ENAH: variants seen among roughly 807,000 people sequenced by gnomAD.
ENAH encodes the protein protein enabled homolog.
Under a neutral mutation model 78.7 loss-of-function variants are expected in ENAH, and 23 were observed. The ratio of observed to expected loss-of-function variants is 0.29; its 90% CI spans 0.21 to 0.41. ENAH has a LOEUF of 0.41. Ranked by LOEUF, ENAH falls within the 10% of genes least tolerant of loss-of-function variation. The pLI is 1.00. For synonymous variants in ENAH, 226 were observed against 241.0 expected, an observed-to-expected ratio of 0.94 and a Z score of 0.58; for missense variants, 544 against 691.0, an observed-to-expected ratio of 0.79 and a Z score of 2.39.
At chr1:225,653,447 T>C (rs936899762), upstream of ENAH, among the ~76,000 whole-genome samples, 1 of 143,418 alleles carries the variant, frequency 7.0e-6, no homozygotes. This position sits in a 1 kb window ranked among gnomAD's most constrained non-coding sequence, Gnocchi z 4.3. Flanking sequence ...TCCGGCCAGT[T>C]GTCGGCCGGG....
chr1:225,555,977 C>T (rs953812709), intron 2 of ENAH, among the ~76,000 whole-genome samples: 1 of 152,098 alleles, frequency 6.6e-6, no homozygotes, highest in African/African-American at 2.4e-5. Flanking sequence ...AGTTATACAA[C>T]ATGTATTAAA....
At position 225,530,560 on chromosome 1, in the gene ENAH, T is replaced by A; in HGVS notation, c.428A>T (p.Gln143Leu). The change falls in exon 4 of 14, where the codon CAA (glutamine) becomes CTA (leucine). Residue 143 changes from glutamine to leucine, a missense_variant. Around this residue, in one of 4 missense-constraint regions of ENAH, gnomAD observed 366 missense variants for 396.1 expected, o/e 0.92. Coordinates refer to ENST00000366843, the MANE Select transcript of ENAH (RefSeq NM_018212.6). Reference sequence around the variant, plus strand: ...CAATAACTTGAAAATTTACCTTCTTTGAATTTCCAATTCTTCTTGGGATGG... The same window carrying A: ...CAATAACTTGAAAATTTACCTTCTTAGAATTTCCAATTCTTCTTGGGATGG... ...NGPSQEELEI[Q>L]RRQLQEQQRQ... 1 of 1,611,988 alleles carries A rather than the reference T, an allele frequency of 6.2e-7. No individual in the cohort carries two copies. The highest frequency in any genetic ancestry group is 8.5e-7 in the Non-Finnish European group (1 of 1,178,216).
At chr1:225,629,463 T>G (rs1658585660) in intron 1 of ENAH, among the ~76,000 whole-genome samples, 1 of 151,574 alleles carries the variant, frequency 6.6e-6, no homozygotes, top group African/African-American at 2.4e-5. Flanking sequence ...GGAGTGCACC[T>G]GTAATCCCAG....
At chr1:225,503,168 C>T (rs1262676722) in intron 11 of ENAH, among the ~76,000 whole-genome samples, 1 of 152,182 alleles carries the variant, frequency 6.6e-6, no homozygotes, top group Non-Finnish European at 1.5e-5. Context: ...ACTTTTCATA[C>T]TGAAGGAAAG....
rs148193854 is a variant in ENAH at position 225,597,129 on chromosome 1, G to A, written c.6-29715C>T. On this transcript the variant is annotated intron_variant, in intron 1 of 13. Coordinates refer to ENST00000366843, the MANE Select transcript of ENAH (RefSeq NM_018212.6). ...ACATGTAGGACGTATACCCAAAATA[G>A]CCTATTATTTATGTTTCCATTCCGC... Among the ~76,000 whole-genome samples the A allele has an allele frequency of 1.7e-3, 257 of 152,164 alleles. 1 individual carries two copies. The highest frequency in any genetic ancestry group is 5.8e-3 in the African/African-American group (240 of 41,512).
At chr1:225,577,329 T>C (rs765238966) in intron 1 of ENAH, among the ~76,000 whole-genome samples, 3 of 151,212 alleles carry the variant, frequency 2.0e-5, no homozygotes, top group Non-Finnish European at 2.9e-5. Context: ...GGAGAAAAAA[T>C]TTGCTTGCTA....
At chr1:225,579,556 G>C (rs2096804392) in intron 1 of ENAH, among the ~76,000 whole-genome samples, 1 of 152,106 alleles carries the variant, frequency 6.6e-6, no homozygotes, top group Admixed American at 6.5e-5. Context: ...AAATCTGTGG[G>C]AAACATTTTA....
chr1:225,598,739 A>G (rs1246490052), intron 1 of ENAH, among the ~76,000 whole-genome samples: 1 of 152,160 alleles, frequency 6.6e-6, no homozygotes. Flanking sequence ...TGGAATAGCA[A>G]TCTTAACACC....
At chr1:225,524,726 A>G in intron 4 of ENAH, 1 of 882,462 alleles carries the variant, frequency 1.1e-6, no homozygotes, top group Non-Finnish European at 1.4e-6. Flanking sequence ...CCCTTTTATA[A>G]CTTTCAGATA....
intron 1 of ENAH, among the ~76,000 whole-genome samples, chr1:225,601,695 C>A (rs2096932082): frequency 6.6e-6 from 1 of 151,758 alleles, no homozygotes; most frequent in Non-Finnish European, 1.5e-5. Flanking sequence ...ATGTGGTAGG[C>A]ACAAGGGCAT....
chr1:225,493,278 A>C lies in ENAH; in HGVS notation c.*4497T>G, dbSNP rs1771316. On this transcript the variant is annotated 3_prime_UTR_variant, in exon 14 of 14. Coordinates refer to ENST00000366843, the MANE Select transcript of ENAH (RefSeq NM_018212.6). The stretch of plus-strand genomic sequence containing the variant: ...AACAGTTCTTGGCTTCTATAAACGG[A>C]CTTTCTTGAGGGGTTACTGACTTCA... 0.94 allele frequency: 142,500 copies of C among 152,180 alleles called. 66,794 individuals carry two copies. Among genetic ancestry groups the C allele is most frequent in the Middle Eastern group, 0.97 (284 of 294 alleles). The allele number at this position is 152,180 out of a possible 1,614,324, so 9.4% of individuals were successfully genotyped here.
rs2096227481 is a variant in ENAH at position 225,492,593 on chromosome 1, C to T, written c.*5182G>A. 1 of 152,172 alleles carries T rather than the reference C, an allele frequency of 6.6e-6. No homozygotes were observed. The highest frequency in any genetic ancestry group is 6.5e-5 in the Admixed American group (1 of 15,278). 9.4% of individuals were successfully genotyped at this position (152,172 alleles called of 1,614,324 possible). ...GGGGTGCAGCTCAGTGACTGTGATT[C>T]TTTGGTTCAAACACTTAATTGGGGC... is the stretch of plus-strand genomic sequence containing the variant. On this transcript the variant is annotated 3_prime_UTR_variant, in exon 14 of 14. Coordinates refer to ENST00000366843, the MANE Select transcript of ENAH (RefSeq NM_018212.6).
chr1:225,523,151 T>C (rs1367138601), intron 4 of ENAH, among the ~76,000 whole-genome samples: 1 of 152,052 alleles, frequency 6.6e-6, no homozygotes, highest in African/African-American at 2.4e-5. Flanking sequence ...AACATGATAA[T>C]GTAAATACTG....
intron 1 of ENAH, among the ~76,000 whole-genome samples, chr1:225,588,978 T>C (rs1225589573): frequency 2.0e-5 from 3 of 152,006 alleles, no homozygotes; most frequent in South Asian, 2.1e-4. Flanking sequence ...CAAAGATTCA[T>C]CAGAAAACAA....
chr1:225,627,162 C>T (rs937858571), intron 1 of ENAH, among the ~76,000 whole-genome samples: 7 of 152,108 alleles, frequency 4.6e-5, no homozygotes, highest in African/African-American at 1.4e-4. Context: ...TAGCCCCCTG[C>T]GTTATTTTTA....
chr1:225,613,751 CAG>C (rs1426419217), intron 1 of ENAH, among the ~76,000 whole-genome samples: 2 of 152,132 alleles, frequency 1.3e-5, no homozygotes, highest in Admixed American at 6.5e-5. Context: ...GGGAAAAAAA[CAG>C]TGTTTTTTCT....
At chr1:225,539,020 A>T (rs554197609) in intron 3 of ENAH, among the ~76,000 whole-genome samples, 1 of 152,222 alleles carries the variant, frequency 6.6e-6, no homozygotes, top group African/African-American at 2.4e-5. Flanking sequence ...ATTATTGAGT[A>T]TATGCTCAGA....
intron 1 of ENAH, among the ~76,000 whole-genome samples, chr1:225,621,882 A>G (rs143487155): frequency 7.3e-4 from 111 of 152,250 alleles, no homozygotes; most frequent in African/African-American, 2.7e-3. Flanking sequence ...AGACAGAAGT[A>G]TTTGCCTTGG....
At chr1:225,516,898 A>G (rs1264158893) in intron 6 of ENAH, among the ~76,000 whole-genome samples, 1 of 151,970 alleles carries the variant, frequency 6.6e-6, no homozygotes, top group Non-Finnish European at 1.5e-5. Flanking sequence ...AAAAAAGAAA[A>G]AAATAAAGAA....
Sources: allele counts gnomAD v4.1 joint callset (sites outside exome capture counted in the v4.1 genomes callset), GRCh38; gene constraint gnomAD v4.1.1; regional missense constraint gnomAD v4.1.1; non-coding constraint Gnocchi (gnomAD v3.1); transcripts MANE v1.5; gene names NCBI Gene and HGNC (gene_info 2026-07-23, HGNC 2026-07-21).